Variants in IRAG2 observed in about 807,000 individuals in gnomAD.
IRAG2 encodes inositol 1,4,5-triphosphate receptor associated 2.
Under a neutral mutation model 69.9 loss-of-function variants are expected in IRAG2, and 45 were observed. That is an observed-to-expected ratio of 0.64 (90% CI 0.51 to 0.83). The LOEUF is 0.83. Among genes scored for constraint, IRAG2 ranks in the 40% least tolerant of loss-of-function variants. The pLI is 0.00. For missense variants in IRAG2, 520 were observed against 587.0 expected (o/e 0.89, Z 1.18); for synonymous variants, 193 against 202.4 (o/e 0.95, Z 0.40).
intron 5 of IRAG2, among the ~76,000 whole-genome samples, chr12:25,015,663 A>G (rs565987042): frequency 2.0e-5 from 3 of 152,218 alleles, no homozygotes; most frequent in Non-Finnish European, 4.4e-5. Flanking sequence ...TCTCTCATGA[A>G]ACCCTTCTCC....
At chr12:25,014,915 G>A (rs1370460644) in intron 3 of IRAG2, among the ~76,000 whole-genome samples, 1 of 151,132 alleles carries the variant, frequency 6.6e-6, no homozygotes, top group Non-Finnish European at 1.5e-5. Context: ...GGATGGTGGA[G>A]GTAATGCCTA....
intron 17 of IRAG2, 188 bp from the exon 18 acceptor site, chr12:25,103,649 G>A: frequency 3.6e-6 from 2 of 548,242 alleles, no homozygotes; most frequent in Non-Finnish European, 6.4e-6. Context: ...ATTGAGTTAG[G>A]TGGAATATAA....
chr12:25,074,062 T>A (rs532187257), intron 6 of IRAG2, among the ~76,000 whole-genome samples: 1 of 152,380 alleles, frequency 6.6e-6, no homozygotes, highest in African/African-American at 2.4e-5. Flanking sequence ...GCTTTATTAC[T>A]TATTAGCTGT....
At chr12:25,003,337 A>T (rs1482143451), upstream of IRAG2, among the ~76,000 whole-genome samples, 1 of 152,160 alleles carries the variant, frequency 6.6e-6, no homozygotes, top group African/African-American at 2.4e-5. Flanking sequence ...TATTTAAAAA[A>T]TATCTGTCTA....
intron 9 of IRAG2, among the ~76,000 whole-genome samples, chr12:25,029,321 C>A (rs192298977): frequency 6.6e-6 from 1 of 152,182 alleles, no homozygotes. Context: ...CCAGAAGACA[C>A]GGGTTCAGAT....
intron 12 of IRAG2, chr12:25,032,451 C>T (rs1944675201): frequency 1.0e-5 from 4 of 398,496 alleles, no homozygotes; most frequent in Non-Finnish European, 1.8e-5. Context: ...TTGTATGTGC[C>T]ACATTCTTTT....
At chr12:25,058,472 T>A (rs1945409569) in intron 1 of IRAG2, among the ~76,000 whole-genome samples, 1 of 152,222 alleles carries the variant, frequency 6.6e-6, no homozygotes, top group Non-Finnish European at 1.5e-5. Flanking sequence ...AGATATGTGC[T>A]ATGAATAGTT....
intron 11 of IRAG2, among the ~76,000 whole-genome samples, chr12:25,088,458 TAA>T (rs1305925115): frequency 1.3e-5 from 2 of 152,216 alleles, no homozygotes; most frequent in African/African-American, 4.8e-5. Context: ...GTATCCCATC[TAA>T]AAGTAAAGCC....
At chr12:25,071,632 TTAAA>T (rs1251337642) in intron 6 of IRAG2, among the ~76,000 whole-genome samples, 1 of 152,082 alleles carries the variant, frequency 6.6e-6, no homozygotes, top group African/African-American at 2.4e-5. Context: ...GTTGAGGGAG[TTAAA>T]TAACTTGCCC....
intron 8 of IRAG2, chr12:25,023,942 A>C (rs1218797150): frequency 8.5e-7 from 1 of 1,180,982 alleles, no homozygotes; most frequent in East Asian, 3.2e-5. Flanking sequence ...ATCGTTAAAC[A>C]CTGGCATAGA....
At chr12:25,012,347 G>T (rs1944483362) in intron 3 of IRAG2, among the ~76,000 whole-genome samples, 2 of 151,186 alleles carry the variant, frequency 1.3e-5, no homozygotes, top group East Asian at 2.0e-4. Context: ...TAGAGAAGGG[G>T]TTTCACCATG....
At chr12:25,012,248 G>C (rs573427280) in intron 3 of IRAG2, among the ~76,000 whole-genome samples, 1 of 148,514 alleles carries the variant, frequency 6.7e-6, no homozygotes, top group African/African-American at 2.5e-5. Flanking sequence ...GCTGCCTCCC[G>C]GGTTCAAGCA....
chr12:25,039,905 CATATATTT>C (rs1334191469), intron 16 of IRAG2, among the ~76,000 whole-genome samples: 3 of 152,174 alleles, frequency 2.0e-5, no homozygotes, highest in African/African-American at 7.2e-5. Context: ...AAGAATCTGA[CATATATTT>C]ATATCCAGAG....
intron 6 of IRAG2, among the ~76,000 whole-genome samples, chr12:25,077,206 T>TG (rs1425867483): frequency 0.063 from 7,125 of 113,896 alleles, 1,140 homozygotes; most frequent in Non-Finnish European, 0.091. Context: ...GAAATATATA[T>TG]ATGATATATA....
At chr12:25,001,991 G>A (rs931504863), upstream of IRAG2, among the ~76,000 whole-genome samples, 4 of 151,822 alleles carry the variant, frequency 2.6e-5, no homozygotes, top group Admixed American at 6.6e-5. Flanking sequence ...GGCTGGTCTC[G>A]AACTCCTGAC....
chr12:25,045,234 G>A (rs1229835763), intron 16 of IRAG2, among the ~76,000 whole-genome samples: 3 of 151,928 alleles, frequency 2.0e-5, no homozygotes. Flanking sequence ...AAATCTTTGG[G>A]ATGTAGAAAA....
At chr12:25,020,599 T>A (rs1944570534) in intron 6 of IRAG2, among the ~76,000 whole-genome samples, 1 of 152,166 alleles carries the variant, frequency 6.6e-6, no homozygotes, top group African/African-American at 2.4e-5. Flanking sequence ...CATTCCCCAC[T>A]CCCCATTTTC....
chr12:25,067,498 A>C (rs192145557), intron 5 of IRAG2, among the ~76,000 whole-genome samples: 1 of 152,268 alleles, frequency 6.6e-6, no homozygotes, highest in Admixed American at 6.5e-5. Flanking sequence ...TGCCCCTTGC[A>C]GGTTCCAGAC....
At position 25,017,104 on chromosome 12, in the gene IRAG2, G is replaced by GGTT. The variant is rs1293060824; in HGVS notation, c.1056-29_1056-27dup. 1.1e-5 allele frequency: 14 copies of GGTT among 1,226,382 alleles called. No individual in the cohort carries two copies. The African/African-American group carries it at 2.0e-4, about 18-fold the overall frequency. 76.0% of individuals were successfully genotyped at this position (1,226,382 alleles called of 1,614,324 possible). On this transcript the variant is annotated intron_variant, in intron 5 of 38. Coordinates refer to the IRAG2 transcript ENST00000636465. The stretch of plus-strand genomic sequence containing the variant: ...TATTAGAAGGAATTAGTGATGTGAA[G>GGTT]GTTATTCTCATCTATTCTTTTACTT...
Sources: gnomAD v4.1 joint callset for allele counts (sites outside exome capture counted in the v4.1 genomes callset) on GRCh38, gnomAD v4.1.1 for gene constraint, MANE v1.5 for transcripts, NCBI Gene and HGNC (gene_info 2026-07-23, HGNC 2026-07-21) for gene names.